Variants in SLC26A7 observed in about 807,000 individuals in gnomAD.
SLC26A7 encodes anion exchange transporter.
SLC26A7 carries 59 observed loss-of-function variants against 82.5 expected under a neutral mutation model. The ratio of observed to expected loss-of-function variants is 0.72; its 90% CI spans 0.58 to 0.89. The LOEUF (loss-of-function observed/expected upper bound fraction) is 0.89. Among genes scored for constraint, SLC26A7 ranks in the 40% least tolerant of loss-of-function variants. SLC26A7 has a pLI of 0.00. For missense variants in SLC26A7, 820 were observed against 793.0 expected (o/e 1.03, Z -0.41); for synonymous variants, 271 against 274.3 (o/e 0.99, Z 0.12).
intron 12 of SLC26A7, among the ~76,000 whole-genome samples, 175 bp downstream of exon 12, chr8:91,362,634 G>A (rs1052565532): frequency 7.2e-5 from 11 of 151,934 alleles, no homozygotes; most frequent in African/African-American, 2.7e-4. Flanking sequence ...TGTTTTATCT[G>A]CATATGATAT....
intron 2 of SLC26A7, among the ~76,000 whole-genome samples, chr8:91,256,726 C>T (rs1268976326): frequency 6.6e-6 from 1 of 152,088 alleles, no homozygotes; most frequent in African/African-American, 2.4e-5. Flanking sequence ...AGTTGGGTTT[C>T]TTCTAGTCAC....
chr8:91,312,806 A>G (rs956281252), intron 4 of SLC26A7, among the ~76,000 whole-genome samples: 2 of 152,054 alleles, frequency 1.3e-5, no homozygotes, highest in African/African-American at 4.8e-5. Context: ...CTTTGGAGAG[A>G]TGTCTATACA....
At chr8:91,246,461 A>C (rs955057787), upstream of SLC26A7, among the ~76,000 whole-genome samples, 7 of 152,144 alleles carry the variant, frequency 4.6e-5, no homozygotes, top group African/African-American at 1.7e-4. Context: ...GCATAAATAA[A>C]ATTGTGGAGA....
At chr8:91,319,925 G>A (rs539021100) in intron 5 of SLC26A7, among the ~76,000 whole-genome samples, 3 of 152,242 alleles carry the variant, frequency 2.0e-5, no homozygotes, top group Admixed American at 6.5e-5. Context: ...TGTTTCTCTG[G>A]TGGGAATGTG....
intron 2 of SLC26A7, among the ~76,000 whole-genome samples, chr8:91,288,248 A>G (rs1431910851): frequency 1.3e-5 from 2 of 152,204 alleles, no homozygotes; most frequent in African/African-American, 4.8e-5. Flanking sequence ...TGCCTCCTCC[A>G]TTCTCAAGTC....
chr8:91,302,012 C>T (rs1325197246), intron 4 of SLC26A7, among the ~76,000 whole-genome samples: 2 of 151,886 alleles, frequency 1.3e-5, no homozygotes, highest in Non-Finnish European at 2.9e-5. Context: ...AGTCTTTTTG[C>T]TTTTCAGTTT....
intron 2 of SLC26A7, among the ~76,000 whole-genome samples, chr8:91,288,294 A>C (rs1013768648): frequency 6.6e-6 from 1 of 152,158 alleles, no homozygotes; most frequent in Non-Finnish European, 1.5e-5. Flanking sequence ...TGCCCAATTT[A>C]ATTGAAACAT....
chr8:91,370,653 T>A, intron 15 of SLC26A7, among the ~76,000 whole-genome samples: 1 of 152,046 alleles, frequency 6.6e-6, no homozygotes, highest in East Asian at 1.9e-4. Flanking sequence ...CATCAATTGA[T>A]GTGACCGTTG....
intron 2 of SLC26A7, among the ~76,000 whole-genome samples, chr8:91,279,427 C>A (rs1811505814): frequency 6.6e-6 from 1 of 151,984 alleles, no homozygotes. Flanking sequence ...GCATACATGG[C>A]TTTCCTTTTC....
chr8:91,347,952 C>T (rs1374057201), intron 9 of SLC26A7, among the ~76,000 whole-genome samples: 1 of 152,190 alleles, frequency 6.6e-6, no homozygotes, highest in African/African-American at 2.4e-5. Flanking sequence ...TCAGTGTCCC[C>T]TGGCTTTCTT....
chr8:91,376,888 T>C (rs1814532075), intron 15 of SLC26A7, among the ~76,000 whole-genome samples: 1 of 152,144 alleles, frequency 6.6e-6, no homozygotes, highest in African/African-American at 2.4e-5. Context: ...ATCGCACCCC[T>C]GCCTCAGGAC....
intron 2 of SLC26A7, among the ~76,000 whole-genome samples, chr8:91,282,298 G>A (rs1460957629): frequency 1.3e-5 from 2 of 152,126 alleles, no homozygotes; most frequent in Non-Finnish European, 2.9e-5. Context: ...TGAGTAGAAG[G>A]CTTCTCTGAC....
At chr8:91,335,517 A>G (rs1256242852) in intron 6 of SLC26A7, among the ~76,000 whole-genome samples, 1 of 152,218 alleles carries the variant, frequency 6.6e-6, no homozygotes, top group Non-Finnish European at 1.5e-5. Flanking sequence ...AGATATTAAG[A>G]AATACTTATT....
chr8:91,368,413 G>GTTTTTTTTTTTTTTT (rs565439844), intron 14 of SLC26A7, among the ~76,000 whole-genome samples: 1 of 144,990 alleles, frequency 6.9e-6, no homozygotes, highest in African/African-American at 2.5e-5. Context: ...TTCAGATGAG[G>GTTTTTTTTTTTTTTT]TTTTTTTTTT....
chr8:91,391,771 G>C (rs928687532), intron 16 of SLC26A7, among the ~76,000 whole-genome samples: 2 of 151,930 alleles, frequency 1.3e-5, no homozygotes, highest in Admixed American at 6.6e-5. Flanking sequence ...GATGCAGGGG[G>C]CTCAAGGATC....
rs1814304310 is a variant in SLC26A7, at chr8:91,369,827, T to C, written c.1669T>C (p.Cys557Arg). ...TLLNSLSNGN[C>R]NEEASQSCPN... is the part of the protein sequence containing the mutation. ...GCTTAATTCCCTATCCAATGGCAAC[T>C]GCAATGGTGAGTTAGCTTTAAGGAA... The change falls in exon 15 of 19, where the codon TGC becomes CGC. Residue 557 changes from cysteine to arginine, a missense_variant. Cys to Arg is a radical substitution (Grantham distance 180). Coordinates refer to ENST00000276609, the MANE Select transcript of SLC26A7 (RefSeq NM_052832.4). The C allele has an allele frequency of 6.2e-7, 1 of 1,604,294 alleles. No homozygotes were observed. The highest frequency in any genetic ancestry group is 8.5e-7 in the Non-Finnish European group (1 of 1,175,176).
At chr8:91,361,991 G>C (rs1424248722) in intron 11 of SLC26A7, among the ~76,000 whole-genome samples, 1 of 152,066 alleles carries the variant, frequency 6.6e-6, no homozygotes, top group African/African-American at 2.4e-5. Context: ...GTACACAATT[G>C]CTTGTAATAA....
intron 2 of SLC26A7, among the ~76,000 whole-genome samples, chr8:91,228,979 T>C (rs532260913): frequency 1.3e-5 from 2 of 152,372 alleles, no homozygotes; most frequent in Admixed American, 6.5e-5. Flanking sequence ...TATTTATTGC[T>C]ACTTCTCATA....
At chr8:91,267,158 A>G (rs1198771039) in intron 2 of SLC26A7, among the ~76,000 whole-genome samples, 1 of 151,716 alleles carries the variant, frequency 6.6e-6, no homozygotes, top group Non-Finnish European at 1.5e-5. Flanking sequence ...TATTTTGTTG[A>G]GGATTTTTCG....
Sources: gnomAD v4.1 joint callset for allele counts (sites outside exome capture counted in the v4.1 genomes callset) on GRCh38, gnomAD v4.1.1 for gene constraint, MANE v1.5 for transcripts, NCBI Gene and HGNC (gene_info 2026-07-23, HGNC 2026-07-21) for gene names.